The following TTL variants were observed in gnomAD, a reference collection of about 807,000 sequenced individuals.
TTL encodes the protein tubulin tyrosine ligase, also known as tubulin--tyrosine ligase.
Under a neutral mutation model 41.1 loss-of-function variants are expected in TTL, and 10 were observed. The observed-to-expected ratio is 0.24, with a 90% CI of 0.15 to 0.41. TTL has a LOEUF of 0.41. TTL is among the 10% of genes least tolerant of loss of function. The pLI is 1.00. For missense variants in TTL, 367 were observed against 460.4 expected (o/e 0.80, Z 1.86); for synonymous variants, 175 against 175.5 (o/e 1.00, Z 0.02).
At chr2:112,497,870 G>C (rs546383168) in intron 3 of TTL, among the ~76,000 whole-genome samples, 38 of 152,224 alleles carry the variant, frequency 2.5e-4, no homozygotes, top group African/African-American at 9.1e-4. Flanking sequence ...AAACCACAAC[G>C]AACTGTCACT....
chr2:112,492,967 T>A (rs2104451088), intron 2 of TTL, among the ~76,000 whole-genome samples: 1 of 152,318 alleles, frequency 6.6e-6, no homozygotes, highest in Middle Eastern at 3.4e-3. Context: ...ACATTTCAAA[T>A]GCTCAGTAGC....
intron 1 of TTL, among the ~76,000 whole-genome samples, chr2:112,484,627 C>A (rs1681190935): frequency 1.3e-5 from 2 of 152,060 alleles, no homozygotes; most frequent in South Asian, 4.1e-4. Context: ...TATGCCATCA[C>A]TGTTAAGGGA....
Position 112,517,156 on chromosome 2 carries a change from C to CAA in TTL, c.876-3104_876-3103dup, listed in dbSNP as rs33990458. ...TGTATTATTAATCTTGAGCTTTCAG[C>CAA]AAAAAAAAAAAAAAAAAAAAAAATT... On this transcript the variant is annotated intron_variant, in intron 5 of 6. Coordinates refer to ENST00000233336, the MANE Select transcript of TTL (RefSeq NM_153712.5). 4.0e-4 allele frequency among the ~76,000 whole-genome samples: 42 copies of CAA among 105,564 alleles called. 1 individual carries two copies. Among genetic ancestry groups the CAA allele is most frequent in the Middle Eastern group, 5.6e-3 (1 of 180 alleles). The allele number at this position is 105,564 out of a possible 152,430, so 69.3% of individuals were successfully genotyped here.
At position 112,494,020 on chromosome 2, in the gene TTL, A is replaced by G. The variant is rs1374588903; in HGVS notation, c.237-123A>G. On this transcript the variant is annotated intron_variant, in intron 2 of 6. Coordinates refer to ENST00000233336, the MANE Select transcript of TTL (RefSeq NM_153712.5). ...CCAGGGAGACTAAGAGCAAATAGAGATGTTAGAAGACTGAGTCATGCTTTG... is the reference window on the plus strand; with the variant it reads ...CCAGGGAGACTAAGAGCAAATAGAGGTGTTAGAAGACTGAGTCATGCTTTG... 18 of 692,080 alleles carry G rather than the reference A, an allele frequency of 2.6e-5. No homozygotes were observed. In the East Asian group the frequency reaches 4.6e-4, roughly 18 times the overall value. 42.9% of individuals were successfully genotyped at this position (692,080 alleles called of 1,614,324 possible).
At chr2:112,500,517 G>A (rs1294710172) in intron 3 of TTL, among the ~76,000 whole-genome samples, 1 of 152,176 alleles carries the variant, frequency 6.6e-6, no homozygotes. Context: ...GTTACAGTGA[G>A]CTGAGATTGC....
chr2:112,517,156 C>CAAAA (rs33990458), intron 5 of TTL, among the ~76,000 whole-genome samples: 10 of 105,600 alleles, frequency 9.5e-5, no homozygotes, highest in Admixed American at 3.0e-4. Context: ...GAGCTTTCAG[C>CAAAA]AAAAAAAAAA....
In TTL at chr2:112,503,052, A is replaced by G; in HGVS notation, c.746A>G (p.Tyr249Cys). The change falls in exon 5 of 7, where the codon TAT becomes TGT. Residue 249 changes from tyrosine to cysteine, a missense_variant. Transcript: ENST00000233336. ...HLTNHCIQKE[Y>C]SKNYGKYEEG... ...ACCAATCACTGCATTCAAAAAGAGTATTCAAAGAACTACGGGAAGTATGAA... is the reference window on the plus strand; with the variant it reads ...ACCAATCACTGCATTCAAAAAGAGTGTTCAAAGAACTACGGGAAGTATGAA... The G allele has an allele frequency of 6.2e-7, 1 of 1,614,156 alleles. No individual in the cohort carries two copies. Among genetic ancestry groups the G allele is most frequent in the Non-Finnish European group, 8.5e-7 (1 of 1,180,022 alleles).
intron 6 of TTL, among the ~76,000 whole-genome samples, chr2:112,526,584 T>C (rs1682379001): frequency 6.6e-6 from 1 of 152,208 alleles, no homozygotes; most frequent in Admixed American, 6.5e-5. Flanking sequence ...TAGAGGTGTT[T>C]ATAGTATTTT....
chr2:112,527,610 T>C (rs1401072704), intron 6 of TTL, among the ~76,000 whole-genome samples: 1 of 152,200 alleles, frequency 6.6e-6, no homozygotes, highest in African/African-American at 2.4e-5. Context: ...TTAAAGTCTG[T>C]TTTATCAGAG....
intron 5 of TTL, among the ~76,000 whole-genome samples, chr2:112,511,819 C>T (rs1218481074): frequency 1.3e-5 from 2 of 152,066 alleles, no homozygotes; most frequent in Admixed American, 1.3e-4. Context: ...AATCTACACA[C>T]TTCAGCCTCC....
At position 112,528,777 on chromosome 2, in the gene TTL, T is replaced by A. The variant is rs1461859261; in HGVS notation, c.1116T>A (p.Ala372=). 1 of 1,614,114 alleles carries A rather than the reference T, an allele frequency of 6.2e-7. No homozygotes were observed. Among genetic ancestry groups the A allele is most frequent in the Non-Finnish European group, 8.5e-7 (1 of 1,180,004 alleles). The part of the protein sequence containing the change: ...PDVEQPQTQP[A]AFIKL The stretch of plus-strand genomic sequence containing the variant: ...TGGAGCAACCTCAGACCCAGCCAGC[T>A]GCCTTCATCAAGCTGTGACAGAGGG... Residue 372 remains alanine (A), a synonymous_variant, in exon 7 of 7, where the codon GCT becomes GCA. Coordinates refer to ENST00000233336, the MANE Select transcript of TTL (RefSeq NM_153712.5).
At chr2:112,496,515 G>A (rs573469076) in intron 3 of TTL, among the ~76,000 whole-genome samples, 1 of 152,150 alleles carries the variant, frequency 6.6e-6, no homozygotes, top group Non-Finnish European at 1.5e-5. Context: ...CACCTGGAGC[G>A]TGGGAACACA....
rs143694550 is a variant in TTL at position 112,499,294 on chromosome 2, T to A, written c.470-1912T>A. Among the ~76,000 whole-genome samples, 1,380 of 152,296 alleles carry A rather than the reference T, an allele frequency of 9.1e-3. 12 individuals carry two copies. Among genetic ancestry groups the A allele is most frequent in the Non-Finnish European group, 0.016 (1,064 of 68,026 alleles). ...ACACCACTGTGTGACAGAGCAAGAC[T>A]CTGTCTCAAAAACAGAAGAAACATA... On this transcript the variant is annotated intron_variant, in intron 3 of 6. Coordinates refer to ENST00000233336, the MANE Select transcript of TTL (RefSeq NM_153712.5).
intron 5 of TTL, among the ~76,000 whole-genome samples, chr2:112,509,472 G>A (rs1681863182): frequency 6.6e-6 from 1 of 152,216 alleles, no homozygotes; most frequent in Non-Finnish European, 1.5e-5. Context: ...GCGAGACTCC[G>A]TGGGCGTAGG....
chr2:112,519,197 TA>T (rs1467946251), intron 5 of TTL, among the ~76,000 whole-genome samples: 7 of 152,174 alleles, frequency 4.6e-5, no homozygotes, highest in Non-Finnish European at 1.0e-4. Context: ...ATAATAGATA[TA>T]TGGTTATCAT....
chr2:112,486,011 G>T lies in TTL; in HGVS notation c.236+16G>T. On this transcript the variant is annotated intron_variant, in intron 2 of 6. Transcript: ENST00000233336. ...CTTTAGTGAAGTAAGTGTTAAGACC[G>T]CTGTTTTCCATTTTTTACCTAAATG... The T allele has an allele frequency of 6.2e-7, 1 of 1,612,000 alleles. No homozygotes were observed. The highest frequency in any genetic ancestry group is 8.5e-7 in the Non-Finnish European group (1 of 1,179,026).
rs961038485 is a variant in TTL at position 112,540,259 on chromosome 2, A to T, written c.*11464A>T. On this transcript the variant is annotated 3_prime_UTR_variant, in exon 7 of 7. Transcript: ENST00000233336. ...TCAAGACCAGCTTGGCCAACATGGT[A>T]AAACCCTGTCTCTATTAAAAATACA... is the stretch of plus-strand genomic sequence containing the variant. 1.1e-4 allele frequency: 16 copies of T among 152,084 alleles called. No homozygotes were observed. The allele number at this position is 152,084 out of a possible 1,614,324, so 9.4% of individuals were successfully genotyped here. A position where few individuals can be genotyped will look rare whatever the true frequency, so the allele number is the denominator to read the frequency against.
chr2:112,522,724 C>G lies in TTL; in HGVS notation c.1019+2299C>G, dbSNP rs560642133. On this transcript the variant is annotated intron_variant, in intron 6 of 6. Coordinates refer to ENST00000233336, the MANE Select transcript of TTL (RefSeq NM_153712.5). ...GGTCGGTCACCACCCCCTGCTCCCC[C>G]CAGAGACTAAGCTCGAACCTGACAG... Among the ~76,000 whole-genome samples, 3 of 152,290 alleles carry G rather than the reference C, an allele frequency of 2.0e-5. No individual in the cohort carries two copies. The East Asian group carries it at 5.8e-4, about 29-fold the overall frequency.
rs956698270 is a variant in TTL, at chr2:112,535,307, C to T, written c.*6512C>T. The T allele has an allele frequency of 6.6e-6, 1 of 151,676 alleles. No individual in the cohort carries two copies. Among genetic ancestry groups the T allele is most frequent in the Admixed American group, 6.6e-5 (1 of 15,206 alleles). 9.4% of individuals were successfully genotyped at this position (151,676 alleles called of 1,614,324 possible). On this transcript the variant is annotated 3_prime_UTR_variant, in exon 7 of 7. Transcript: ENST00000233336. ...AATGATCAGTGCTTCAGACACCCGT[C>T]AGACACCATCAAACATACCAACATA...
Sources: gnomAD v4.1 joint callset for allele counts (sites outside exome capture counted in the v4.1 genomes callset) on GRCh38, gnomAD v4.1.1 for gene constraint, MANE v1.5 for transcripts, NCBI Gene and HGNC (gene_info 2026-07-23, HGNC 2026-07-21) for gene names.